The following L3MBTL4 variants were observed in gnomAD, a reference collection of about 807,000 sequenced individuals.
L3MBTL4 encodes L3MBTL histone methyl-lysine binding protein 4, also known as lethal(3)malignant brain tumor-like protein 4.
In L3MBTL4, 70 loss-of-function variants were observed where a neutral mutation model predicts 84.5. The ratio of observed to expected loss-of-function variants is 0.83; its 90% CI spans 0.68 to 1.01. L3MBTL4 has a LOEUF of 1.01. Among genes scored for constraint, L3MBTL4 ranks in the 50% least tolerant of loss-of-function variants. The pLI is 0.00. For synonymous variants in L3MBTL4, 274 were observed against 259.8 expected (o/e 1.05, Z -0.52); for missense variants, 715 against 754.8 (o/e 0.95, Z 0.62).
At chr18:6,213,686 A>G (rs1041986888) in intron 11 of L3MBTL4, among the ~76,000 whole-genome samples, 7 of 152,124 alleles carry the variant, frequency 4.6e-5, no homozygotes, top group African/African-American at 1.7e-4. Flanking sequence ...TGCTGGGATT[A>G]CAGGCGTGAG....
chr18:6,230,309 A>G (rs187315126), intron 10 of L3MBTL4, among the ~76,000 whole-genome samples: 1 of 152,196 alleles, frequency 6.6e-6, no homozygotes, highest in African/African-American at 2.4e-5. Flanking sequence ...TTTAGCTCCC[A>G]CTTGCAAGTG....
rs2144566316 is a variant in L3MBTL4 at position 5,955,262 on chromosome 18, T to C, written c.*958A>G. 6.6e-6 allele frequency: 1 copy of C among 152,330 alleles called. No homozygotes were observed. The highest frequency in any genetic ancestry group is 2.4e-5 in the African/African-American group (1 of 41,578). The allele number at this position is 152,330 out of a possible 1,614,324, so 9.4% of individuals were successfully genotyped here. On this transcript the variant is annotated 3_prime_UTR_variant, in exon 19 of 19. Transcript: ENST00000317931. ...AACAAAGAATAAGTACCACGCTCCC[T>C]ACTTTAGAGATCTTCCCTTTGAATA...
intron 15 of L3MBTL4, among the ~76,000 whole-genome samples, chr18:6,088,458 C>T (rs2058333241): frequency 6.6e-6 from 1 of 152,014 alleles, no homozygotes; most frequent in Non-Finnish European, 1.5e-5. Flanking sequence ...AGAGGTGAGC[C>T]GTGGGAAAGG....
At chr18:6,119,832 G>A (rs2059471111) in intron 14 of L3MBTL4, among the ~76,000 whole-genome samples, 1 of 152,152 alleles carries the variant, frequency 6.6e-6, no homozygotes, top group South Asian at 2.1e-4. Context: ...CTGCATATAT[G>A]TCTGGGAATA....
At chr18:6,035,627 T>C (rs2056093428) in intron 16 of L3MBTL4, among the ~76,000 whole-genome samples, 1 of 152,226 alleles carries the variant, frequency 6.6e-6, no homozygotes, top group Non-Finnish European at 1.5e-5. Context: ...GACTTGGTGA[T>C]GCAGGCTCTT....
In L3MBTL4 at chr18:5,990,664, A is replaced by C. The variant is rs1412786712; in HGVS notation, c.1445-21102T>G. ...GAGTCCCATGTTTCCTCTATAAAAC[A>C]TCATCTAGACTTAGCTAGCAAATAT... On this transcript the variant is annotated intron_variant, in intron 16 of 18. Coordinates refer to ENST00000317931, the MANE Select transcript of L3MBTL4 (RefSeq NM_001330559.2). Among the ~76,000 whole-genome samples the C allele has an allele frequency of 3.3e-5, 5 of 152,330 alleles. No homozygotes were observed. The East Asian group carries it at 7.7e-4, about 23-fold the overall frequency.
chr18:6,082,396 G>A (rs2058109636), intron 15 of L3MBTL4: 1 of 152,010 alleles, frequency 6.6e-6, no homozygotes, highest in Admixed American at 6.6e-5. Context: ...TTAAATGTAA[G>A]CAGTGAGTAT....
intron 16 of L3MBTL4, among the ~76,000 whole-genome samples, chr18:5,992,499 T>C (rs549490): frequency 0.58 from 88,827 of 151,970 alleles, 27,001 homozygotes; most frequent in East Asian, 0.89. Context: ...TCCTGGAAGC[T>C]CACGGGGAGC....
intron 7 of L3MBTL4, among the ~76,000 whole-genome samples, chr18:6,242,180 C>T (rs947523354): frequency 2.6e-5 from 4 of 152,158 alleles, no homozygotes; most frequent in Non-Finnish European, 4.4e-5. Flanking sequence ...CCGACCTTCC[C>T]ACCTGGGCGC....
chr18:6,383,627 C>T (rs1291747273), intron 1 of L3MBTL4, among the ~76,000 whole-genome samples: 1 of 152,184 alleles, frequency 6.6e-6, no homozygotes, highest in Non-Finnish European at 1.5e-5. Flanking sequence ...GGCTTGCCCT[C>T]TGTGGGCTGC....
rs79480567 is a variant in L3MBTL4, at chr18:6,049,709, C to A, written c.1444+31172G>T. 1.1e-4 allele frequency among the ~76,000 whole-genome samples: 16 copies of A among 152,018 alleles called. No homozygotes were observed. The East Asian group carries it at 3.1e-3, about 29-fold the overall frequency. On this transcript the variant is annotated intron_variant, in intron 16 of 18. Coordinates refer to ENST00000317931, the MANE Select transcript of L3MBTL4 (RefSeq NM_001330559.2). ...AGGTGGCAAAAATAGATACTGGAAA[C>A]TAATAGAGGGAGGAGGGAGGAAAGG...
chr18:5,999,510 GA>G (rs1183805366), intron 16 of L3MBTL4, among the ~76,000 whole-genome samples: 1 of 152,158 alleles, frequency 6.6e-6, no homozygotes, highest in Non-Finnish European at 1.5e-5. Context: ...TGGAATGAAA[GA>G]AAAGAACATG....
At chr18:6,096,090 G>C (rs1383354317) in intron 14 of L3MBTL4, among the ~76,000 whole-genome samples, 1 of 150,064 alleles carries the variant, frequency 6.7e-6, no homozygotes, top group Non-Finnish European at 1.5e-5. Context: ...TTGTAATTTC[G>C]TGTCACTACC....
At chr18:6,362,548 T>C (rs2053754354) in intron 1 of L3MBTL4, among the ~76,000 whole-genome samples, 2 of 152,216 alleles carry the variant, frequency 1.3e-5, no homozygotes, top group Non-Finnish European at 2.9e-5. Context: ...ACCACATCCC[T>C]GTGAAGTCTC....
chr18:6,237,870 A>G, intron 10 of L3MBTL4, 94 bp downstream of exon 10: 2 of 877,412 alleles, frequency 2.3e-6, no homozygotes, highest in Non-Finnish European at 3.9e-6. Flanking sequence ...TTAAATAGAT[A>G]TGTATTAAAA....
intron 5 of L3MBTL4, among the ~76,000 whole-genome samples, chr18:6,257,995 C>T (rs2048227543): frequency 6.6e-6 from 1 of 152,152 alleles, no homozygotes; most frequent in Non-Finnish European, 1.5e-5. Context: ...CAGGCAGGCC[C>T]TGAGATAACT....
At chr18:6,093,139 T>TA (rs1023356666) in intron 15 of L3MBTL4, among the ~76,000 whole-genome samples, 4 of 152,206 alleles carry the variant, frequency 2.6e-5, no homozygotes, top group African/African-American at 7.2e-5. Flanking sequence ...TAGAAAAAGG[T>TA]AAATTCAAAT....
intron 14 of L3MBTL4, among the ~76,000 whole-genome samples, chr18:6,129,409 T>TGTGTGTGTGTGTG (rs1598846647): frequency 2.0e-5 from 3 of 151,076 alleles, no homozygotes; most frequent in African/African-American, 7.3e-5. Context: ...TGTGTGTGTG[T>TGTGTGTGTGTGTG]TCCAATTCAC....
intron 1 of L3MBTL4, among the ~76,000 whole-genome samples, chr18:6,413,802 G>A (rs560951046): frequency 6.6e-6 from 1 of 152,346 alleles, no homozygotes; most frequent in East Asian, 1.9e-4. Context: ...AAGTACAGCA[G>A]TCTCAACAGT....
Sources: allele counts gnomAD v4.1 joint callset (sites outside exome capture counted in the v4.1 genomes callset), GRCh38; gene constraint gnomAD v4.1.1; transcripts MANE v1.5; gene names NCBI Gene and HGNC (gene_info 2026-07-23, HGNC 2026-07-21).